The following APBA2 variants were observed in gnomAD, a reference collection of about 807,000 sequenced individuals.
The protein encoded by APBA2 is amyloid-beta A4 precursor protein-binding family A member 2.
A neutral mutation model predicts 75.0 loss-of-function variants in APBA2; 30 were observed. The ratio of observed to expected loss-of-function variants is 0.40; its 90% CI spans 0.30 to 0.54. The LOEUF (loss-of-function observed/expected upper bound fraction) is 0.54. Among genes scored for constraint, APBA2 ranks in the 20% least tolerant of loss-of-function variants. The pLI is 0.49. For synonymous variants in APBA2, 444 were observed against 409.6 expected (o/e 1.08, Z -1.01); for missense variants, 801 against 1,016.1 (o/e 0.79, Z 2.88).
At chr15:29,071,954 G>A (rs894858102) in intron 4 of APBA2, among the ~76,000 whole-genome samples, 23 of 152,082 alleles carry the variant, frequency 1.5e-4, no homozygotes, top group African/African-American at 5.3e-4. Context: ...GCAGCCATCA[G>A]TCTGTGTCCC....
At chr15:29,028,448 A>C (rs1307716544) in intron 3 of APBA2, among the ~76,000 whole-genome samples, 1 of 152,138 alleles carries the variant, frequency 6.6e-6, no homozygotes, top group East Asian at 1.9e-4. Context: ...GCTATTGTGA[A>C]TAGTGCTGCA....
intron 2 of APBA2, among the ~76,000 whole-genome samples, chr15:28,964,550 C>T (rs902323562): frequency 6.7e-6 from 1 of 150,300 alleles, no homozygotes; most frequent in Non-Finnish European, 1.5e-5. Context: ...TGCAGTGGCA[C>T]GAACTTGGCT....
chr15:29,001,067 C>T (rs1175731547), intron 3 of APBA2, among the ~76,000 whole-genome samples: 1 of 152,028 alleles, frequency 6.6e-6, no homozygotes, highest in African/African-American at 2.4e-5. Context: ...CATCTGAGTC[C>T]ACAGCCCTCC....
intron 2 of APBA2, among the ~76,000 whole-genome samples, chr15:28,945,708 G>A (rs2152712816): frequency 6.6e-6 from 1 of 152,234 alleles, no homozygotes; most frequent in Middle Eastern, 3.4e-3. Context: ...AGTAGAGACA[G>A]GGTTTTAACA....
In APBA2 at chr15:29,101,589, C is replaced by T. The variant is rs2044126112; in HGVS notation, c.1339-10C>T. 3.1e-6 allele frequency: 5 copies of T among 1,611,866 alleles called. No individual in the cohort carries two copies. The Admixed American group carries it at 5.0e-5, about 16-fold the overall frequency. On this transcript the variant is annotated splice_polypyrimidine_tract_variant and intron_variant, in intron 9 of 14. Coordinates refer to ENST00000683413, the MANE Select transcript of APBA2 (RefSeq NM_001353788.2). The stretch of plus-strand genomic sequence containing the variant: ...TGTTCCCTGACGTGGCACTGTCTCC[C>T]TCCCGACAGGAAACCATGATGGACC...
chr15:28,893,442 C>T (rs1422016316), intron 1 of APBA2, among the ~76,000 whole-genome samples: 7 of 152,192 alleles, frequency 4.6e-5, no homozygotes, highest in Non-Finnish European at 1.0e-4. Flanking sequence ...CCGATTTTGG[C>T]CGCAGGTCCC....
intron 3 of APBA2, among the ~76,000 whole-genome samples, chr15:29,023,946 C>T (rs1196016254): frequency 1.3e-5 from 2 of 148,954 alleles, no homozygotes; most frequent in African/African-American, 5.0e-5. Flanking sequence ...CTCTGTTGCC[C>T]AGGCTGGAGT....
In APBA2 at chr15:29,050,978, CGTCA is replaced by C. The variant is rs537013257; in HGVS notation, c.-40-2866_-40-2863del. ...TACCATCTGCCCTTTGCCGTCCTGA[CGTCA>C]AGACATGGACGTCTGGTTGCATGTT... On this transcript the variant is annotated intron_variant, in intron 3 of 14. Transcript: ENST00000683413. Among the ~76,000 whole-genome samples the C allele has an allele frequency of 4.9e-3, 751 of 152,098 alleles. 8 individuals are homozygous for C. Among genetic ancestry groups the C allele is most frequent in the African/African-American group, 0.017 (716 of 41,444 alleles).
At chr15:29,078,648 A>T (rs1010864030) in intron 6 of APBA2, among the ~76,000 whole-genome samples, 4 of 151,544 alleles carry the variant, frequency 2.6e-5, no homozygotes, top group African/African-American at 7.3e-5. Context: ...AAAAAAAAAA[A>T]GTCCAGAGGC....
At position 29,108,404 on chromosome 15, in the gene APBA2, C is replaced by A. The variant is rs201091441; in HGVS notation, c.2037+15C>A. On this transcript the variant is annotated intron_variant, in intron 13 of 14. Coordinates refer to ENST00000683413, the MANE Select transcript of APBA2 (RefSeq NM_001353788.2). ...AGAATGGAATTGTGAGTTCCCCCTCCTGCTCTGGGCCACCACCACCACTGC... is the reference window on the plus strand; with the variant it reads ...AGAATGGAATTGTGAGTTCCCCCTCATGCTCTGGGCCACCACCACCACTGC... 1.9e-6 allele frequency: 3 copies of A among 1,613,914 alleles called. No homozygotes were observed. Among genetic ancestry groups the A allele is most frequent in the Non-Finnish European group, 2.5e-6 (3 of 1,180,030 alleles).
intron 4 of APBA2, among the ~76,000 whole-genome samples, chr15:29,063,913 G>A (rs1348885342): frequency 6.6e-6 from 1 of 152,086 alleles, no homozygotes; most frequent in Admixed American, 6.5e-5. Context: ...ACCAGGACTG[G>A]TCAGGGCCAC....
chr15:29,058,928 C>G (rs1321307852), intron 4 of APBA2, among the ~76,000 whole-genome samples: 1 of 152,228 alleles, frequency 6.6e-6, no homozygotes, highest in African/African-American at 2.4e-5. Context: ...CCAAAACACG[C>G]TCTTAGAGGT....
intron 3 of APBA2, among the ~76,000 whole-genome samples, chr15:29,052,364 A>G (rs1050397434): frequency 6.7e-6 from 1 of 150,050 alleles, no homozygotes; most frequent in Non-Finnish European, 1.5e-5. Flanking sequence ...CTGAGGCAGG[A>G]GAATGGTGTG....
At chr15:29,048,730 T>C (rs2041459656) in intron 3 of APBA2, among the ~76,000 whole-genome samples, 1 of 151,134 alleles carries the variant, frequency 6.6e-6, no homozygotes, top group South Asian at 2.1e-4. Flanking sequence ...GGTCAAGAGA[T>C]CGAGACCATC....
chr15:28,914,177 G>T (rs982301932), intron 1 of APBA2, among the ~76,000 whole-genome samples: 7 of 152,160 alleles, frequency 4.6e-5, no homozygotes, highest in African/African-American at 1.7e-4. Context: ...CATTGGTGCT[G>T]CAGTTGAGAG....
intron 2 of APBA2, among the ~76,000 whole-genome samples, chr15:28,957,520 T>C (rs541245772): frequency 6.6e-6 from 1 of 152,368 alleles, no homozygotes; most frequent in South Asian, 2.1e-4. Flanking sequence ...ACCCACCGTG[T>C]ACAAGGGTTC....
intron 3 of APBA2, among the ~76,000 whole-genome samples, chr15:29,020,571 C>T (rs2039901915): frequency 6.6e-6 from 1 of 151,976 alleles, no homozygotes; most frequent in South Asian, 2.1e-4. Flanking sequence ...TTTGAGAGGC[C>T]GAGAGGGGTG....
Position 29,004,872 on chromosome 15 carries a change from G to A in APBA2, c.-41+9066G>A, listed in dbSNP as rs149554986. Among the ~76,000 whole-genome samples, 406 of 152,202 alleles carry A rather than the reference G, an allele frequency of 2.7e-3. 1 individual carries two copies. Among genetic ancestry groups the A allele is most frequent in the Non-Finnish European group, 4.7e-3 (323 of 68,014 alleles). On this transcript the variant is annotated intron_variant, in intron 3 of 14. Transcript: ENST00000683413. Reference sequence around the variant, plus strand: ...TTTTTGTATTTTTAGTAGAGATGGCGTTTCTCCATGTTGGCCAGGCTGGTC... The same window carrying A: ...TTTTTGTATTTTTAGTAGAGATGGCATTTCTCCATGTTGGCCAGGCTGGTC...
chr15:28,969,271 C>T (rs879684257), intron 2 of APBA2, among the ~76,000 whole-genome samples: 5 of 151,842 alleles, frequency 3.3e-5, no homozygotes, highest in South Asian at 4.2e-4. Context: ...ACCTCCGTCT[C>T]GCGGGCTCAA....
Sources: allele counts gnomAD v4.1 joint callset (sites outside exome capture counted in the v4.1 genomes callset), GRCh38; gene constraint gnomAD v4.1.1; transcripts MANE v1.5; gene names NCBI Gene and HGNC (gene_info 2026-07-23, HGNC 2026-07-21).